NFIB: variants seen among roughly 807,000 people sequenced by gnomAD.
NFIB encodes nuclear factor 1 B-type.
A neutral mutation model predicts 61.5 loss-of-function variants in NFIB; 11 were observed. That is an observed-to-expected ratio of 0.18 (90% CI 0.11 to 0.30). The LOEUF (loss-of-function observed/expected upper bound fraction) is 0.30. NFIB is among the 10% of genes least tolerant of loss of function. The pLI is 1.00. For missense variants in NFIB, 471 were observed against 608.9 expected (o/e 0.77, Z 2.38); for synonymous variants, 260 against 216.5 (o/e 1.20, Z -1.76).
At chr9:14,240,092 A>G (rs2054194684) in intron 2 of NFIB, among the ~76,000 whole-genome samples, 1 of 152,184 alleles carries the variant, frequency 6.6e-6, no homozygotes, top group Non-Finnish European at 1.5e-5. Flanking sequence ...CAAATAATAC[A>G]CTGGTCAAGT....
rs2042312807 is a variant in NFIB at position 14,146,729 on chromosome 9, T to C, written c.885A>G (p.Ser295=). The change falls in exon 6 of 11, where the codon TCA becomes TCG. Residue 295 remains serine, a synonymous_variant. Coordinates refer to ENST00000380953, the MANE Select transcript of NFIB (RefSeq NM_001190737.2). ...GCCATGTTCGACTTCCAGCAGCTGG[T>C]GAACTTGGAGAGGGGTAAAAGTCTC... ...PTGDFYPSPS[S]PAAGSRTWHE... 6.2e-7 allele frequency: 1 copy of C among 1,612,544 alleles called. No homozygotes were observed. Among genetic ancestry groups the C allele is most frequent in the Non-Finnish European group, 8.5e-7 (1 of 1,179,446 alleles).
chr9:14,417,397 G>C, the NFIB span, among the ~76,000 whole-genome samples: 3 of 152,206 alleles, frequency 2.0e-5, no homozygotes, highest in Non-Finnish European at 4.4e-5. Context: ...TAAGCACACT[G>C]TATGAAGTTC....
intron 1 of NFIB, among the ~76,000 whole-genome samples, chr9:14,380,179 T>C (rs985683460): frequency 1.3e-5 from 2 of 152,210 alleles, no homozygotes; most frequent in Non-Finnish European, 2.9e-5. Context: ...AAATTCTGAA[T>C]GACAGGCAGC....
At chr9:14,121,379 G>A (rs2038912291) in intron 7 of NFIB, among the ~76,000 whole-genome samples, 2 of 152,178 alleles carry the variant, frequency 1.3e-5, no homozygotes, top group Admixed American at 6.5e-5. Flanking sequence ...GAGGGCAAAA[G>A]AGCCAAAAAT....
intron 6 of NFIB, among the ~76,000 whole-genome samples, chr9:14,136,821 A>G (rs1453887585): frequency 6.6e-6 from 1 of 152,186 alleles, no homozygotes; most frequent in East Asian, 1.9e-4. Flanking sequence ...TCATCAGTTC[A>G]GCAGCTCAAT....
intron 2 of NFIB, among the ~76,000 whole-genome samples, chr9:14,213,171 C>T (rs1321395037): frequency 6.6e-6 from 1 of 152,096 alleles, no homozygotes; most frequent in African/African-American, 2.4e-5. Context: ...CTTCTCACTG[C>T]CTGGGAAGTT....
intron 1 of NFIB, among the ~76,000 whole-genome samples, chr9:14,333,996 G>A (rs1189320806): frequency 2.6e-5 from 4 of 152,106 alleles, no homozygotes; most frequent in South Asian, 2.1e-4. Flanking sequence ...GAATTATTTC[G>A]TTCAGCCTTT....
Position 14,126,666 on chromosome 9 carries a change from C to T in NFIB, c.926-900G>A, listed in dbSNP as rs746026647. Among the ~76,000 whole-genome samples the T allele has an allele frequency of 2.0e-5, 3 of 152,178 alleles. No homozygotes were observed. In the South Asian group the frequency reaches 6.2e-4, roughly 32 times the overall value. On this transcript the variant is annotated intron_variant, in intron 6 of 10. Transcript: ENST00000380953. Reference sequence around the variant, plus strand: ...GCCTCTTGCAGGTCCCACAGGATGACGGGTCTCCAGCTTCCTGTACAAACG... The same window carrying T: ...GCCTCTTGCAGGTCCCACAGGATGATGGGTCTCCAGCTTCCTGTACAAACG...
At chr9:14,154,373 T>C (rs2043164266) in intron 4 of NFIB, among the ~76,000 whole-genome samples, 1 of 152,058 alleles carries the variant, frequency 6.6e-6, no homozygotes, top group Admixed American at 6.6e-5. Context: ...GCCTTTCCGC[T>C]AAAGAAGAGT....
chr9:14,388,894 A>C (rs111453349), intron 1 of NFIB, among the ~76,000 whole-genome samples: 2,253 of 152,324 alleles, frequency 0.015, 54 homozygotes, highest in African/African-American at 0.05. Context: ...TAACTAGATC[A>C]ATGGTTTCAA....
chr9:14,453,088 G>C, the NFIB span, among the ~76,000 whole-genome samples: 1 of 152,180 alleles, frequency 6.6e-6, no homozygotes, highest in Non-Finnish European at 1.5e-5. Context: ...CTCCCAGTGA[G>C]GTGGGTTCCC....
intron 2 of NFIB, among the ~76,000 whole-genome samples, chr9:14,195,457 A>G (rs994881551): frequency 5.9e-5 from 9 of 152,262 alleles, no homozygotes; most frequent in African/African-American, 2.2e-4. Flanking sequence ...TGAGCACACG[A>G]AACAGAGAAA....
intron 1 of NFIB, among the ~76,000 whole-genome samples, chr9:14,376,760 C>T (rs557045247): frequency 3.3e-5 from 5 of 152,154 alleles, no homozygotes; most frequent in South Asian, 2.1e-4. Flanking sequence ...TCAGGTGATC[C>T]GCTCACCTCA....
At chr9:14,309,082 ACT>A (rs1159021977) in intron 1 of NFIB, among the ~76,000 whole-genome samples, 3 of 152,050 alleles carry the variant, frequency 2.0e-5, no homozygotes, top group Non-Finnish European at 2.9e-5. Context: ...CGACAAAATA[ACT>A]CTCTGATTGT....
At chr9:14,348,624 C>T (rs957085586) in intron 1 of NFIB, among the ~76,000 whole-genome samples, 1 of 152,248 alleles carries the variant, frequency 6.6e-6, no homozygotes, top group African/African-American at 2.4e-5. Flanking sequence ...GGGATTCTGC[C>T]GCCTGGAACC....
At chr9:14,092,197 C>G (rs186915488) in intron 10 of NFIB, among the ~76,000 whole-genome samples, 2 of 152,048 alleles carry the variant, frequency 1.3e-5, no homozygotes, top group African/African-American at 2.4e-5. Flanking sequence ...CATTGCAGAA[C>G]AGCTAAGGGT....
At chr9:14,310,344 C>A (rs2060221919) in intron 1 of NFIB, among the ~76,000 whole-genome samples, 1 of 152,090 alleles carries the variant, frequency 6.6e-6, no homozygotes, top group Non-Finnish European at 1.5e-5. Flanking sequence ...TATGTGAATT[C>A]AAGTGAAGCA....
chr9:14,322,241 T>A, intron 1 of NFIB: 1 of 656,366 alleles, frequency 1.5e-6, no homozygotes, highest in Non-Finnish European at 2.1e-6. Flanking sequence ...CAGCTTTCTT[T>A]CCTCTCCCTT....
At chr9:14,424,699 G>A in the NFIB span, among the ~76,000 whole-genome samples, 1 of 152,202 alleles carries the variant, frequency 6.6e-6, no homozygotes, top group Non-Finnish European at 1.5e-5. Flanking sequence ...TTGACTCAGA[G>A]GCAGAGCTCC....
Sources: allele counts gnomAD v4.1 joint callset (sites outside exome capture counted in the v4.1 genomes callset), GRCh38; gene constraint gnomAD v4.1.1; transcripts MANE v1.5; gene names NCBI Gene and HGNC (gene_info 2026-07-23, HGNC 2026-07-21).